AIM2: variants seen among roughly 807,000 people sequenced by gnomAD.
AIM2 encodes interferon-inducible protein AIM2.
A neutral mutation model predicts 27.7 loss-of-function variants in AIM2; 30 were observed. That is an observed-to-expected ratio of 1.08 (90% confidence interval 0.81 to 1.47). The LOEUF (loss-of-function observed/expected upper bound fraction) is 1.47, where lower values mean the gene tolerates loss of function less well. Ranked by LOEUF, AIM2 falls within the 40% of genes most tolerant of loss-of-function variation. The pLI, the probability that AIM2 is intolerant of heterozygous loss-of-function variation, is 0.00. For synonymous variants in AIM2, 141 were observed against 145.3 expected (o/e 0.97, Z 0.21); for missense variants, 358 against 411.3 (o/e 0.87, Z 1.12).
At chr1:159,069,408 C>A (rs563672653) in intron 2 of AIM2, among the ~76,000 whole-genome samples, 29 of 151,918 alleles carry the variant, frequency 1.9e-4, no homozygotes, top group Non-Finnish European at 3.2e-4. Context: ...ACTAAAATAA[C>A]AATAAAAATA....
intron 1 of AIM2, among the ~76,000 whole-genome samples, chr1:159,099,253 G>A (rs950073727): frequency 1.3e-5 from 2 of 152,118 alleles, no homozygotes; most frequent in Non-Finnish European, 2.9e-5. Flanking sequence ...CAAAGGGCAG[G>A]GACAACTGGC....
intron 1 of AIM2, among the ~76,000 whole-genome samples, chr1:159,085,514 T>TG (rs757165106): frequency 6.6e-6 from 1 of 152,094 alleles, no homozygotes; most frequent in African/African-American, 2.4e-5. Flanking sequence ...GTGGAGGTGT[T>TG]GCGTTTGAGG....
downstream of AIM2, among the ~76,000 whole-genome samples, chr1:159,061,299 G>T (rs1655825089): frequency 1.3e-5 from 2 of 151,982 alleles, no homozygotes; most frequent in African/African-American, 4.8e-5. Context: ...GTGCTTATTT[G>T]ACATCCATGT....
downstream of AIM2, among the ~76,000 whole-genome samples, chr1:159,057,809 C>T (rs1655709741): frequency 6.6e-6 from 1 of 152,120 alleles, no homozygotes; most frequent in African/African-American, 2.4e-5. Flanking sequence ...CATGATAGGA[C>T]TGAGTTGTTT....
chr1:159,068,373 T>G (rs1029972025), intron 3 of AIM2, among the ~76,000 whole-genome samples, 195 bp downstream of exon 3: 3 of 152,212 alleles, frequency 2.0e-5, no homozygotes, highest in Non-Finnish European at 4.4e-5. Context: ...CTGGCAGAGA[T>G]TAGAAGCTCA....
At chr1:159,059,008 C>T (rs183090452), downstream of AIM2, among the ~76,000 whole-genome samples, 38 of 152,250 alleles carry the variant, frequency 2.5e-4, no homozygotes, top group African/African-American at 8.7e-4. Flanking sequence ...GCCCAGTGTG[C>T]GGGCTGGAGT....
At chr1:159,089,902 G>A (rs904150111) in intron 1 of AIM2, among the ~76,000 whole-genome samples, 1 of 152,152 alleles carries the variant, frequency 6.6e-6, no homozygotes, top group African/African-American at 2.4e-5. Context: ...GACAACCAAA[G>A]TGCCTATTTT....
intron 1 of AIM2, among the ~76,000 whole-genome samples, chr1:159,128,814 T>C (rs1647790458): frequency 1.3e-5 from 2 of 152,196 alleles, no homozygotes; most frequent in African/African-American, 4.8e-5. Flanking sequence ...CTCTTCATAT[T>C]TTAATAATGA....
rs76841093 is a variant in AIM2 at position 159,064,091 on chromosome 1, G to C, written c.817-417C>G. On this transcript the variant is annotated intron_variant, in intron 4 of 5. Transcript: ENST00000368130. ...TGTTGTCCGTAAGTCTTCTGATCAA[G>C]AGTAGGCTATTAAGCAGTTAAGTTT... Among the ~76,000 whole-genome samples, 166 of 152,260 alleles carry C rather than the reference G, an allele frequency of 1.1e-3. 2 individuals carry two copies. In the East Asian group the frequency reaches 0.032, roughly 29 times the overall value.
chr1:159,102,874 A>C (rs1310939381), intron 1 of AIM2, among the ~76,000 whole-genome samples: 1 of 152,224 alleles, frequency 6.6e-6, no homozygotes, highest in Non-Finnish European at 1.5e-5. Context: ...CTTATCTCAG[A>C]CGAGACTTTG....
At chr1:159,100,161 T>C (rs971952208) in intron 1 of AIM2, among the ~76,000 whole-genome samples, 18 of 152,232 alleles carry the variant, frequency 1.2e-4, no homozygotes, top group African/African-American at 3.9e-4. Context: ...CTACTTACCC[T>C]TCCAGACCTT....
chr1:159,102,780 C>T (rs984092655), intron 1 of AIM2, among the ~76,000 whole-genome samples: 1 of 152,232 alleles, frequency 6.6e-6, no homozygotes, highest in Non-Finnish European at 1.5e-5. Context: ...AGTGTATTTA[C>T]TTAATGCCTG....
chr1:159,075,611 T>TATAGAG (rs1553215674), intron 1 of AIM2, among the ~76,000 whole-genome samples: 28 of 145,666 alleles, frequency 1.9e-4, no homozygotes, highest in African/African-American at 6.6e-4. Flanking sequence ...TATATATATA[T>TATAGAG]AGAGAGAGAG....
At chr1:159,063,057 G>A (rs1655909150) in intron 5 of AIM2, among the ~76,000 whole-genome samples, 1 of 152,186 alleles carries the variant, frequency 6.6e-6, no homozygotes, top group Non-Finnish European at 1.5e-5. Context: ...GGAAGGTCAA[G>A]AGTAGGGGTT....
downstream of AIM2, among the ~76,000 whole-genome samples, chr1:159,059,535 G>A (rs1571913730): frequency 6.6e-6 from 1 of 152,084 alleles, no homozygotes; most frequent in East Asian, 1.9e-4. Flanking sequence ...TTGACTTAAT[G>A]AACTCTAAGA....
At chr1:159,125,347 G>A (rs951915692) in intron 1 of AIM2, among the ~76,000 whole-genome samples, 7 of 152,222 alleles carry the variant, frequency 4.6e-5, no homozygotes, top group Admixed American at 4.6e-4. Flanking sequence ...CAGAGGCTGT[G>A]AGCTTAGATT....
At chr1:159,077,402 G>A (rs191382572), upstream of AIM2, among the ~76,000 whole-genome samples, 9 of 152,350 alleles carry the variant, frequency 5.9e-5, no homozygotes, top group African/African-American at 1.9e-4. Context: ...GGTGCATGAT[G>A]GGAGTGGGAA....
At chr1:159,097,789 A>G (rs1401415613) in intron 1 of AIM2, among the ~76,000 whole-genome samples, 2 of 152,224 alleles carry the variant, frequency 1.3e-5, no homozygotes, top group Non-Finnish European at 2.9e-5. Context: ...GACACAAACT[A>G]TAAGTATTAA....
rs558855060 is a variant in AIM2 at position 159,063,075 on chromosome 1, A to G, written c.1006-357T>C. ...AGGTCAAGAGTAGGGGTTTACATGGACTTAACTGCACTGGACTATGGTAGG... is the reference window on the plus strand; with the variant it reads ...AGGTCAAGAGTAGGGGTTTACATGGGCTTAACTGCACTGGACTATGGTAGG... On this transcript the variant is annotated intron_variant, in intron 5 of 5. Transcript: ENST00000368130. Among the ~76,000 whole-genome samples, 3 of 152,222 alleles carry G rather than the reference A, an allele frequency of 2.0e-5. 1 individual carries two copies. The highest frequency in any genetic ancestry group is 4.1e-4 in the South Asian group (2 of 4,828).
Sources: allele counts gnomAD v4.1 joint callset (sites outside exome capture counted in the v4.1 genomes callset), GRCh38; gene constraint gnomAD v4.1.1; transcripts MANE v1.5; gene names NCBI Gene and HGNC (gene_info 2026-07-23, HGNC 2026-07-21).